Variants in DNAH7 observed in about 807,000 individuals in gnomAD.
DNAH7 encodes dynein axonemal heavy chain 7.
DNAH7 carries 397 observed loss-of-function variants against 444.6 expected under a neutral mutation model. That is an observed-to-expected ratio of 0.89 (90% CI 0.82 to 0.97). The LOEUF is 0.97. Among genes scored for constraint, DNAH7 ranks in the 50% least tolerant of loss-of-function variants. The probability of loss-of-function intolerance (pLI) is 0.00; values close to 1 mark genes in which losing one functional copy is unlikely to be tolerated. For missense variants in DNAH7, 4,902 were observed against 4,800.8 expected, an observed-to-expected ratio of 1.02 and a Z score of -0.62; for synonymous variants, 1,636 against 1,624.4, an observed-to-expected ratio of 1.01 and a Z score of -0.17.
At chr2:195,966,736 T>C (rs1464709420) in intron 17 of DNAH7, among the ~76,000 whole-genome samples, 1 of 152,218 alleles carries the variant, frequency 6.6e-6, no homozygotes, top group African/African-American at 2.4e-5. Flanking sequence ...TCTTGAAGTC[T>C]ATTTTGCCTG....
In DNAH7 at chr2:195,897,767, T is replaced by TGAA; in HGVS notation, c.4549-3_4549-2insTTC. ...TTCATTTTCATTTGGATATTTCAGC[T>TGAA]AAAAAAAAAAAAAAAAACTCATGAG... On this transcript the variant is annotated splice_region_variant and splice_polypyrimidine_tract_variant and intron_variant, in intron 28 of 64. Coordinates refer to ENST00000312428, the MANE Select transcript of DNAH7 (RefSeq NM_018897.3). 8.7e-7 allele frequency: 1 copy of TGAA among 1,145,488 alleles called. No homozygotes were observed. The highest frequency in any genetic ancestry group is 2.8e-5 in the Admixed American group (1 of 35,448). The allele number at this position is 1,145,488 out of a possible 1,614,324, so 71.0% of individuals were successfully genotyped here.
chr2:196,026,018 A>C lies in DNAH7; in HGVS notation c.667+742T>G, dbSNP rs536114476. ...TCAGTATTTTTAAAACGGTTCTGGT[A>C]ATCAGTCAGCCTTAGAATCTATTTG... is the stretch of plus-strand genomic sequence containing the variant. On this transcript the variant is annotated intron_variant, in intron 7 of 64. Coordinates refer to ENST00000312428, the MANE Select transcript of DNAH7 (RefSeq NM_018897.3). Among the ~76,000 whole-genome samples, 165 of 152,332 alleles carry C rather than the reference A, an allele frequency of 1.1e-3. 2 individuals are homozygous for C. The highest frequency in any genetic ancestry group is 3.9e-3 in the African/African-American group (162 of 41,570).
In DNAH7 at chr2:195,816,867, G is replaced by A. The variant is rs1186840274; in HGVS notation, c.9522C>T (p.Ser3174=). Residue 3174 remains serine, a synonymous_variant, in exon 51 of 65, where the codon TCC becomes TCT. Transcript: ENST00000312428. ...EDETAIKILS[S]SKALANEISQ... is the part of the protein sequence containing the mutation. ...AAATCTCATTAGCCAAGGCCTTGGAGGAAGATAATATCTTAATAGCAGTTT... is the reference window on the plus strand; with the variant it reads ...AAATCTCATTAGCCAAGGCCTTGGAAGAAGATAATATCTTAATAGCAGTTT... 6.2e-7 allele frequency: 1 copy of A among 1,614,096 alleles called. No individual in the cohort carries two copies. Among genetic ancestry groups the A allele is most frequent in the African/African-American group, 1.3e-5 (1 of 75,044 alleles).
intron 15 of DNAH7, among the ~76,000 whole-genome samples, chr2:195,978,230 C>A (rs575610909): frequency 1.3e-5 from 2 of 152,088 alleles, no homozygotes; most frequent in South Asian, 4.1e-4. Context: ...GCAGAAACAA[C>A]AAAATGTTAA....
chr2:195,930,665 C>A (rs1187171974), intron 21 of DNAH7, among the ~76,000 whole-genome samples: 1 of 152,118 alleles, frequency 6.6e-6, no homozygotes, highest in Non-Finnish European at 1.5e-5. Flanking sequence ...CCCAGCAACC[C>A]CATTACTGAG....
intron 58 of DNAH7, among the ~76,000 whole-genome samples, chr2:195,778,672 A>ACG (rs1695214038): frequency 9.3e-6 from 1 of 106,986 alleles, no homozygotes; most frequent in Admixed American, 1.1e-4. Context: ...ATATATATAC[A>ACG]CACACACACA....
intron 12 of DNAH7, among the ~76,000 whole-genome samples, chr2:195,993,187 T>A (rs1693465027): frequency 6.6e-6 from 1 of 152,040 alleles, no homozygotes; most frequent in Non-Finnish European, 1.5e-5. Context: ...TTCCAATGGG[T>A]CACTCCTGTC....
chr2:195,840,536 A>T (rs1376201837), intron 47 of DNAH7, among the ~76,000 whole-genome samples: 1 of 151,762 alleles, frequency 6.6e-6, no homozygotes, highest in Admixed American at 6.6e-5. Context: ...AAAGGCATAC[A>T]GATTAGAAAG....
intron 48 of DNAH7, among the ~76,000 whole-genome samples, chr2:195,829,161 T>G (rs1455571872): frequency 6.6e-6 from 1 of 152,176 alleles, no homozygotes; most frequent in African/African-American, 2.4e-5. Flanking sequence ...ATTCACTGGT[T>G]GACTATAATA....
In DNAH7 at chr2:196,026,784, G is replaced by T. The variant is rs756007738; in HGVS notation, c.643C>A (p.Leu215Ile). 6.2e-7 allele frequency: 1 copy of T among 1,611,450 alleles called. No homozygotes were observed. The highest frequency in any genetic ancestry group is 1.1e-5 in the South Asian group (1 of 90,826). ...CCTATGGATTTCCTTACACTAAGAA[G>T]ATAATCCTCTCTCATTTCATCAGAT... Reference protein sequence around the residue: ...TLSDEMREDYLLSVRKSIVDF... With the variant: ...TLSDEMREDYILSVRKSIVDF... The change falls in exon 7 of 65, where the codon CTT (leucine) becomes ATT (isoleucine). Residue 215 changes from leucine (L) to isoleucine (I), a missense_variant. Coordinates refer to ENST00000312428, the MANE Select transcript of DNAH7 (RefSeq NM_018897.3).
chr2:195,745,524 G>A (rs971958578), intron 63 of DNAH7, among the ~76,000 whole-genome samples: 8 of 152,194 alleles, frequency 5.3e-5, no homozygotes, highest in South Asian at 4.1e-4. Context: ...GATACTCCTC[G>A]AGAAGAGCAA....
At chr2:195,790,465 T>TAA (rs201882584) in intron 57 of DNAH7, among the ~76,000 whole-genome samples, 53 of 129,084 alleles carry the variant, frequency 4.1e-4, no homozygotes, top group African/African-American at 8.2e-4. Context: ...TGGTACTGGT[T>TAA]AAAAAAAAAA....
At chr2:195,781,299 T>C (rs1283758501) in intron 58 of DNAH7, among the ~76,000 whole-genome samples, 1 of 152,160 alleles carries the variant, frequency 6.6e-6, no homozygotes. Context: ...AGCTAGCCCC[T>C]GAGAAGGCTT....
At chr2:195,956,858 C>A (rs1690700147) in intron 19 of DNAH7, among the ~76,000 whole-genome samples, 1 of 151,854 alleles carries the variant, frequency 6.6e-6, no homozygotes, top group African/African-American at 2.4e-5. Flanking sequence ...AGGTCCCTAC[C>A]AGAAACATGT....
rs148270536 is a variant in DNAH7, at chr2:195,900,374, G to A, written c.4456C>T (p.Arg1486Cys). The A allele has an allele frequency of 3.0e-3, 4,811 of 1,613,990 alleles. 118 individuals are homozygous for A. The Admixed American group carries it at 0.041, about 14-fold the overall frequency. ...GATGACAGCTGCTCTGAACACAAGC[G>A]ATACGTAGCCACAATTTTTACAGAC... is the stretch of plus-strand genomic sequence containing the variant. ...PLSVKIVATY[R>C]LCSEQLSSQH... The change falls in exon 28 of 65, where the codon CGC (arginine) becomes TGC (cysteine). Residue 1486 changes from arginine (R) to cysteine (C), a missense_variant. Transcript: ENST00000312428.
chr2:195,789,306 GA>G (rs534877231), intron 57 of DNAH7, among the ~76,000 whole-genome samples: 14 of 150,106 alleles, frequency 9.3e-5, no homozygotes, highest in Middle Eastern at 3.4e-3. Flanking sequence ...CCATTGAGGG[GA>G]AAAAAAAAGC....
At position 196,012,886 on chromosome 2, in the gene DNAH7, A is replaced by G. The variant is rs768546282; in HGVS notation, c.890T>C (p.Ile297Thr). 3.9e-6 allele frequency: 6 copies of G among 1,523,488 alleles called. No individual in the cohort carries two copies. The Admixed American group carries it at 8.7e-5, about 22-fold the overall frequency. The allele number at this position is 1,523,488 out of a possible 1,614,324, so 94.4% of individuals were successfully genotyped here. The change falls in exon 10 of 65, where the codon ATC becomes ACC. Residue 297 changes from isoleucine to threonine, a missense_variant. By Grantham distance (89) the Ile-to-Thr change is moderately conservative. Coordinates refer to ENST00000312428, the MANE Select transcript of DNAH7 (RefSeq NM_018897.3). ...TNFKKLRLVD[I>T]KEFHNCQDAL... ...ATCCTGGCAATTATGAAATTCTTTG[A>G]TATCAACTAAACGTAATTTTCTGCA...
intron 47 of DNAH7, among the ~76,000 whole-genome samples, chr2:195,838,050 T>C (rs992561812): frequency 2.0e-5 from 3 of 152,146 alleles, no homozygotes; most frequent in Admixed American, 6.5e-5. Context: ...TAAAGAAGCA[T>C]ATCAGAGGCT....
chr2:195,792,166 CAAAAAAAAAAAA>C lies in DNAH7; in HGVS notation c.10716+2160_10716+2171del, dbSNP rs34983984. ...TGGGCAATAGAGTGAGACCCTGTCTCAAAAAAAAAAAAAAAAAAAAAAGGAACAATAGATACT... is the reference window on the plus strand; with the variant it reads ...TGGGCAATAGAGTGAGACCCTGTCTCAAAAAAAAAAGGAACAATAGATACT... On this transcript the variant is annotated intron_variant, in intron 57 of 64. Coordinates refer to ENST00000312428, the MANE Select transcript of DNAH7 (RefSeq NM_018897.3). 5.5e-5 allele frequency among the ~76,000 whole-genome samples: 3 copies of C among 54,476 alleles called. No individual in the cohort carries two copies. In the Admixed American group the frequency reaches 8.6e-4, roughly 16 times the overall value. The allele number at this position is 54,476 out of a possible 152,430, so 35.7% of individuals were successfully genotyped here. A position where few individuals can be genotyped will look rare whatever the true frequency, so the allele number is the denominator to read the frequency against.
Sources: allele counts gnomAD v4.1 joint callset (sites outside exome capture counted in the v4.1 genomes callset), GRCh38; gene constraint gnomAD v4.1.1; transcripts MANE v1.5; gene names NCBI Gene and HGNC (gene_info 2026-07-23, HGNC 2026-07-21).